Variants in ZNF701 observed in about 807,000 individuals in gnomAD.
ZNF701 encodes zinc finger protein 701.
A neutral mutation model predicts 7.1 loss-of-function variants in ZNF701; 6 were observed. The observed-to-expected ratio is 0.84, with a 90% CI of 0.46 to 1.66. The LOEUF (loss-of-function observed/expected upper bound fraction) is 1.66, where lower values mean the gene tolerates loss of function less well. Ranked by LOEUF, ZNF701 falls within the 40% of genes most tolerant of loss-of-function variation. ZNF701 has a pLI of 0.01. For synonymous variants in ZNF701, 166 were observed against 188.2 expected, an observed-to-expected ratio of 0.88 and a Z score of 0.97; for missense variants, 541 against 559.2, an observed-to-expected ratio of 0.97 and a Z score of 0.33.
rs329934 is a variant in ZNF701, at chr19:52,586,079, C to T, written c.*2622C>T. 0.75 allele frequency: 114,541 copies of T among 151,998 alleles called. 43,456 individuals carry two copies. The highest frequency in any genetic ancestry group is 0.83 in the African/African-American group (34,173 of 41,362). The allele number at this position is 151,998 out of a possible 1,614,324, so 9.4% of individuals were successfully genotyped here. On this transcript the variant is annotated 3_prime_UTR_variant, in exon 4 of 4. Transcript: ENST00000391785. Reference sequence around the variant, plus strand: ...TTGATGGAGATGGGGTCTTACTCTGCTGCGCAGGCCGAAGAGCGGTGACCG... The same window carrying T: ...TTGATGGAGATGGGGTCTTACTCTGTTGCGCAGGCCGAAGAGCGGTGACCG...
At position 52,576,008 on chromosome 19, in the gene ZNF701, C is replaced by T; in HGVS notation, c.129C>T (p.Asn43=). The T allele has an allele frequency of 6.3e-7, 1 of 1,576,258 alleles. No homozygotes were observed. The highest frequency in any genetic ancestry group is 8.6e-7 in the Non-Finnish European group (1 of 1,168,756). ...ACGTGATGCTGGAGAATTATAGGAA[C>T]CTGGTCTCCCTGGGTGAGGATAACT... ...YRDVMLENYR[N]LVSLDTSSKC... The change falls in exon 3 of 4, where the codon AAC becomes AAT. Residue 43 remains asparagine (N), a synonymous_variant. Transcript: ENST00000391785.
intron 3 of ZNF701, among the ~76,000 whole-genome samples, chr19:52,577,419 T>G (rs1288050911): frequency 6.6e-6 from 1 of 152,162 alleles, no homozygotes; most frequent in Non-Finnish European, 1.5e-5. Context: ...ACAAAGTGTT[T>G]CAGTATAATA....
chr19:52,596,830 A>G, the ZNF701 span: 3 of 543,462 alleles, frequency 5.5e-6, no homozygotes, highest in African/African-American at 3.8e-5. Flanking sequence ...CACACCTTGC[A>G]TGTCATCATA....
Position 52,583,455 on chromosome 19 carries a change from TAG to T in ZNF701, c.1398_*1del, listed in dbSNP as rs751606197. 1.9e-6 allele frequency: 3 copies of T among 1,610,818 alleles called. No individual in the cohort carries two copies. The highest frequency in any genetic ancestry group is 2.5e-6 in the Non-Finnish European group (3 of 1,178,322). ...HHRLHTGKKS* is the reference protein window; with the variant it reads ...HHRLHTGKKSX Reference sequence around the variant, plus strand: ...TAGACTTCATACTGGAAAGAAATCTTAGAAGTGTAAATTTGCAAGGTTTTTAG... The same window carrying T: ...TAGACTTCATACTGGAAAGAAATCTTAAGTGTAAATTTGCAAGGTTTTTAG... On this transcript the variant is annotated frameshift_variant and stop_lost, in exon 4 of 4. Transcript: ENST00000391785. LOFTEE classifies it high-confidence loss of function.
In ZNF701 at chr19:52,585,276, C is replaced by CTACCAGCCTTGCCG. The variant is rs1555774366; in HGVS notation, c.*1820_*1821insACCAGCCTTGCCGT. Reference sequence around the variant, plus strand: ...CGAGTTGGACTCTCGCCCTGGGCTCCTCATCGGCGCCTGGAGGGCAGCGCT... The same window carrying CTACCAGCCTTGCCG: ...CGAGTTGGACTCTCGCCCTGGGCTCCTACCAGCCTTGCCGTCATCGGCGCCTGGAGGGCAGCGCT... On this transcript the variant is annotated 3_prime_UTR_variant, in exon 4 of 4. Transcript: ENST00000391785. The CTACCAGCCTTGCCG allele has an allele frequency of 6.6e-6, 1 of 152,002 alleles. No individual in the cohort carries two copies. The highest frequency in any genetic ancestry group is 2.4e-5 in the African/African-American group (1 of 41,246). 9.4% of individuals were successfully genotyped at this position (152,002 alleles called of 1,614,324 possible).
At chr19:52,572,648 G>A (rs1316462656) in intron 1 of ZNF701, 2 of 347,328 alleles carry the variant, frequency 5.8e-6, no homozygotes, top group South Asian at 2.2e-5. Context: ...CCCGTTCTGA[G>A]GATGTCACAG....
At chr19:52,593,351 C>T in the ZNF701 span, among the ~76,000 whole-genome samples, 1 of 111,576 alleles carries the variant, frequency 9.0e-6, no homozygotes, top group African/African-American at 3.5e-5. Flanking sequence ...TCCCAGTAGG[C>T]GCGGCCGGGC....
chr19:52,583,577 A>G lies in ZNF701; in HGVS notation c.*120A>G, dbSNP rs927405249. On this transcript the variant is annotated 3_prime_UTR_variant, in exon 4 of 4. Transcript: ENST00000391785. ...TGACAAAAGTTTTCAATTTCAAATC[A>G]CTCCTTGAAATACATAGGAGAGTTC... 2 of 1,465,578 alleles carry G rather than the reference A, an allele frequency of 1.4e-6. No individual in the cohort carries two copies. The highest frequency in any genetic ancestry group is 1.9e-6 in the Non-Finnish European group (2 of 1,047,218). The allele number at this position is 1,465,578 out of a possible 1,614,324, so 90.8% of individuals were successfully genotyped here.
At position 52,585,661 on chromosome 19, in the gene ZNF701, C is replaced by T. The variant is rs2147000043; in HGVS notation, c.*2204C>T. On this transcript the variant is annotated 3_prime_UTR_variant, in exon 4 of 4. Coordinates refer to ENST00000391785, the MANE Select transcript of ZNF701 (RefSeq NM_018260.3). ...GGTGGGGGTGGGCCCAAGCGAGCGT[C>T]TCCAGGGCCCCATTTACAAAGTTTT... 6.6e-6 allele frequency: 1 copy of T among 151,982 alleles called. No homozygotes were observed. Among genetic ancestry groups the T allele is most frequent in the Middle Eastern group, 3.5e-3 (1 of 288 alleles). 9.4% of individuals were successfully genotyped at this position (151,982 alleles called of 1,614,324 possible).
rs2059992482 is a variant in ZNF701 at position 52,583,834 on chromosome 19, T to C, written c.*377T>C. 2 of 541,978 alleles carry C rather than the reference T, an allele frequency of 3.7e-6. No individual in the cohort carries two copies. The highest frequency in any genetic ancestry group is 7.0e-6 in the Non-Finnish European group (2 of 284,536). 33.6% of individuals were successfully genotyped at this position (541,978 alleles called of 1,614,324 possible). On this transcript the variant is annotated 3_prime_UTR_variant, in exon 4 of 4. Transcript: ENST00000391785. Reference sequence around the variant, plus strand: ...AAAGTCTTCAGTAATATTACAGCCATTGCAAAACATTGGAGAATCCATAAT... The same window carrying C: ...AAAGTCTTCAGTAATATTACAGCCACTGCAAAACATTGGAGAATCCATAAT...
chr19:52,597,851 G>A, the ZNF701 span: 5 of 173,702 alleles, frequency 2.9e-5, no homozygotes, highest in Non-Finnish European at 5.0e-5. Context: ...CCCAGGTGTC[G>A]TCTGCTGTCA....
the ZNF701 span, chr19:52,595,914 A>T: frequency 6.2e-7 from 1 of 1,613,148 alleles, no homozygotes; most frequent in Non-Finnish European, 8.5e-7. Flanking sequence ...TTTCATTCGC[A>T]TCTGCCTGAA....
chr19:52,581,868 C>G (rs1300455548), intron 3 of ZNF701, among the ~76,000 whole-genome samples: 1 of 152,024 alleles, frequency 6.6e-6, no homozygotes, highest in Non-Finnish European at 1.5e-5. Flanking sequence ...ATATATTTTT[C>G]TCTTCTTTGA....
intron 2 of ZNF701, 109 bp from the exon 3 acceptor site, chr19:52,575,786 G>A (rs545289232): frequency 5.4e-5 from 42 of 772,852 alleles, no homozygotes; most frequent in South Asian, 2.2e-4. Context: ...TGGATTTGTC[G>A]GAACATTCTC....
At chr19:52,575,785 C>T (rs925556571) in intron 2 of ZNF701, 110 bp from the exon 3 acceptor site, 20 of 762,646 alleles carry the variant, frequency 2.6e-5, no homozygotes, top group Middle Eastern at 4.0e-4. Context: ...TTGGATTTGT[C>T]GGAACATTCT....
chr19:52,586,397 C>T lies in ZNF701; in HGVS notation c.*2940C>T, dbSNP rs1057422988. 2.6e-5 allele frequency: 4 copies of T among 152,036 alleles called. No homozygotes were observed. The highest frequency in any genetic ancestry group is 9.7e-5 in the African/African-American group (4 of 41,412). 9.4% of individuals were successfully genotyped at this position (152,036 alleles called of 1,614,324 possible). On this transcript the variant is annotated 3_prime_UTR_variant, in exon 4 of 4. Transcript: ENST00000391785. The stretch of plus-strand genomic sequence containing the variant: ...TGTAGACTGAACGCGGTGGCTCATG[C>T]CTGTCATCCCAGCACTTTGTGAGGC...
rs1387328298 is a variant in ZNF701 at position 52,583,991 on chromosome 19, GCTT to G, written c.*536_*538del. The stretch of plus-strand genomic sequence containing the variant: ...TGATTGTGGCAAGGTCTTCAGTCAA[GCTT>G]CATCTTTTGCAAAACGGGAGAATTC... On this transcript the variant is annotated 3_prime_UTR_variant, in exon 4 of 4. Coordinates refer to ENST00000391785, the MANE Select transcript of ZNF701 (RefSeq NM_018260.3). 9.3e-6 allele frequency: 4 copies of G among 429,754 alleles called. No homozygotes were observed. Among genetic ancestry groups the G allele is most frequent in the African/African-American group, 2.0e-5 (1 of 48,974 alleles). 26.6% of individuals were successfully genotyped at this position (429,754 alleles called of 1,614,324 possible). A position where few individuals can be genotyped will look rare whatever the true frequency, so the allele number is the denominator to read the frequency against.
chr19:52,583,081 T>C lies in ZNF701; in HGVS notation c.1022T>C (p.Leu341Pro). 1 of 1,613,788 alleles carries C rather than the reference T, an allele frequency of 6.2e-7. No homozygotes were observed. The highest frequency in any genetic ancestry group is 1.3e-5 in the African/African-American group (1 of 74,982). ...CDKVFSRKSH[L>P]ERHRRIHTGE... ...AAAGTTTTCAGTCGCAAATCACACC[T>C]TGAAAGACATAGGAGAATTCACACT... Residue 341 changes from leucine to proline, a missense_variant, in exon 4 of 4, where the codon CTT becomes CCT. By Grantham distance (98) the Leu-to-Pro change is moderately conservative. Coordinates refer to ENST00000391785, the MANE Select transcript of ZNF701 (RefSeq NM_018260.3).
chr19:52,574,631 G>A (rs565738810), intron 2 of ZNF701, among the ~76,000 whole-genome samples: 1 of 152,236 alleles, frequency 6.6e-6, no homozygotes, highest in South Asian at 2.1e-4. Context: ...GTAATTGAGT[G>A]AGTTACTGTG....
Sources: allele counts gnomAD v4.1 joint callset (sites outside exome capture counted in the v4.1 genomes callset), GRCh38; gene constraint gnomAD v4.1.1; transcripts MANE v1.5; gene names NCBI Gene and HGNC (gene_info 2026-07-23, HGNC 2026-07-21).